The following GRM5 variants were observed in gnomAD, a reference collection of about 807,000 sequenced individuals.
GRM5 encodes glutamate metabotropic receptor 5, also known as metabotropic glutamate receptor 5.
Under a neutral mutation model 83.1 loss-of-function variants are expected in GRM5, and 19 were observed. That is an observed-to-expected ratio of 0.23 (90% CI 0.16 to 0.34). The LOEUF is 0.34. Among genes scored for constraint, GRM5 ranks in the 10% least tolerant of loss-of-function variants. GRM5 has a pLI of 1.00. For synonymous variants in GRM5, 675 were observed against 633.6 expected, an observed-to-expected ratio of 1.07 and a Z score of -0.98; for missense variants, 1,160 against 1,588.3, an observed-to-expected ratio of 0.73 and a Z score of 4.58.
chr11:88,790,738 G>A (rs975852451), intron 3 of GRM5, among the ~76,000 whole-genome samples: 4 of 152,126 alleles, frequency 2.6e-5, no homozygotes, highest in Admixed American at 2.6e-4. Flanking sequence ...GTAATGGTTT[G>A]AAAGTAGGAA....
chr11:88,862,643 G>T (rs934539890), intron 2 of GRM5, among the ~76,000 whole-genome samples: 12 of 151,994 alleles, frequency 7.9e-5, no homozygotes, highest in African/African-American at 2.9e-4. Context: ...CTACAGGGAA[G>T]ATTTTATTTT....
intron 3 of GRM5, among the ~76,000 whole-genome samples, chr11:88,782,358 T>A (rs1045704008): frequency 2.8e-4 from 43 of 152,062 alleles, no homozygotes; most frequent in African/African-American, 1.0e-3. Flanking sequence ...GCAAGTCACA[T>A]CTTACATGGG....
intron 2 of GRM5, among the ~76,000 whole-genome samples, chr11:88,950,428 C>T (rs1221218858): frequency 6.7e-6 from 1 of 149,550 alleles, no homozygotes; most frequent in Non-Finnish European, 1.5e-5. Context: ...CAAGACAATA[C>T]CAATGGTATT....
chr11:89,050,454 G>A (rs1375092938), intron 1 of GRM5, among the ~76,000 whole-genome samples: 1 of 150,816 alleles, frequency 6.6e-6, no homozygotes, highest in Non-Finnish European at 1.5e-5. Context: ...TATTCTAAAG[G>A]GTAACTTTAG....
chr11:88,820,812 A>T (rs1943776040), intron 3 of GRM5, among the ~76,000 whole-genome samples: 1 of 152,214 alleles, frequency 6.6e-6, no homozygotes, highest in Non-Finnish European at 1.5e-5. Flanking sequence ...GGAGGCATGG[A>T]TTCCTAAACA....
At chr11:88,737,908 T>TA (rs764637873) in intron 3 of GRM5, among the ~76,000 whole-genome samples, 1 of 152,062 alleles carries the variant, frequency 6.6e-6, no homozygotes, top group Non-Finnish European at 1.5e-5. Flanking sequence ...TACAATCCTA[T>TA]AATTATCATG....
intron 4 of GRM5, among the ~76,000 whole-genome samples, chr11:88,626,049 C>T (rs1430101758): frequency 3.3e-5 from 5 of 152,150 alleles, no homozygotes; most frequent in African/African-American, 9.6e-5. Context: ...TTACCTCACA[C>T]TAAACTTTCA....
At chr11:88,746,259 AT>A (rs146286254) in intron 3 of GRM5, among the ~76,000 whole-genome samples, 22,556 of 151,786 alleles carry the variant, frequency 0.15, 1,968 homozygotes, top group African/African-American at 0.23. Context: ...TTAATAATAC[AT>A]TTTTTTTGTG....
intron 3 of GRM5, among the ~76,000 whole-genome samples, chr11:88,807,440 T>G (rs1348028357): frequency 6.6e-6 from 1 of 152,102 alleles, no homozygotes; most frequent in Non-Finnish European, 1.5e-5. Flanking sequence ...GGAGTGTTAT[T>G]TTAAAATCTG....
chr11:88,720,557 T>TAGTC (rs1941509591), intron 3 of GRM5, among the ~76,000 whole-genome samples: 1 of 151,940 alleles, frequency 6.6e-6, no homozygotes, highest in Non-Finnish European at 1.5e-5. Context: ...CCACAAATCA[T>TAGTC]AGTCAAAACA....
intron 2 of GRM5, among the ~76,000 whole-genome samples, chr11:88,957,968 A>G (rs7120272): frequency 0.025 from 3,845 of 152,186 alleles, 143 homozygotes; most frequent in African/African-American, 0.086. Flanking sequence ...AATCTTTTTA[A>G]GAACTATTTT....
Position 88,765,213 on chromosome 11 carries a change from G to A in GRM5, c.911+84693C>T, listed in dbSNP as rs966255776. Among the ~76,000 whole-genome samples, 4 of 151,138 alleles carry A rather than the reference G, an allele frequency of 2.6e-5. No individual in the cohort carries two copies. The South Asian group carries it at 6.3e-4, about 24-fold the overall frequency. On this transcript the variant is annotated intron_variant, in intron 3 of 9. Coordinates refer to ENST00000305447, the MANE Select transcript of GRM5 (RefSeq NM_001143831.3). ...AGGATATTGAGTCTGTAAGCAAAAT[G>A]TCTCCCAAAAAAGAAAAACCCTGGG...
At chr11:88,995,616 A>C (rs1180836444) in intron 2 of GRM5, among the ~76,000 whole-genome samples, 1 of 151,662 alleles carries the variant, frequency 6.6e-6, no homozygotes, top group African/African-American at 2.4e-5. Flanking sequence ...GTGTGCACCA[A>C]TGTTGTAGAA....
intron 4 of GRM5, among the ~76,000 whole-genome samples, chr11:88,610,368 A>G (rs12274100): frequency 2.0e-5 from 3 of 151,848 alleles, no homozygotes; most frequent in African/African-American, 7.3e-5. Flanking sequence ...TGTTCTTCCA[A>G]TTGTTTGTGT....
intron 3 of GRM5, among the ~76,000 whole-genome samples, chr11:88,722,448 G>A (rs72643311): frequency 0.068 from 10,378 of 152,158 alleles, 579 homozygotes; most frequent in African/African-American, 0.15. Flanking sequence ...GAACTCGGAA[G>A]TGAGAGGAAT....
intron 2 of GRM5, among the ~76,000 whole-genome samples, chr11:88,994,384 T>TA: frequency 6.6e-6 from 1 of 151,024 alleles, no homozygotes; most frequent in Middle Eastern, 3.5e-3. Flanking sequence ...AAAGTATTTT[T>TA]AAGTACCTGG....
intron 3 of GRM5, among the ~76,000 whole-genome samples, chr11:88,709,064 T>C (rs1941226711): frequency 6.6e-6 from 1 of 152,076 alleles, no homozygotes. Flanking sequence ...TGATGCCATC[T>C]TGTAAAGATG....
intron 4 of GRM5, among the ~76,000 whole-genome samples, chr11:88,608,373 C>A (rs1416431251): frequency 6.6e-6 from 1 of 152,082 alleles, no homozygotes; most frequent in Admixed American, 6.6e-5. Context: ...CTACCTCCCC[C>A]CACCAACACT....
chr11:88,663,573 T>C (rs1432359576), intron 3 of GRM5, among the ~76,000 whole-genome samples: 1 of 152,174 alleles, frequency 6.6e-6, no homozygotes, highest in Non-Finnish European at 1.5e-5. Context: ...TATAACCTTG[T>C]CTGTTTTTTC....
Sources: gnomAD v4.1 joint callset for allele counts (sites outside exome capture counted in the v4.1 genomes callset) on GRCh38, gnomAD v4.1.1 for gene constraint, MANE v1.5 for transcripts, NCBI Gene and HGNC (gene_info 2026-07-23, HGNC 2026-07-21) for gene names.